The following FRMD3 variants were observed in gnomAD, a reference collection of about 807,000 sequenced individuals.
The protein encoded by FRMD3 is FERM domain containing 3.
A neutral mutation model predicts 70.2 loss-of-function variants in FRMD3; 33 were observed. The ratio of observed to expected loss-of-function variants is 0.47; its 90% CI spans 0.36 to 0.63. The LOEUF (loss-of-function observed/expected upper bound fraction) is 0.63. Ranked by LOEUF, FRMD3 falls within the 20% of genes least tolerant of loss-of-function variation. FRMD3 has a pLI of 0.00. For missense variants in FRMD3, 632 were observed against 711.4 expected (o/e 0.89, Z 1.27); for synonymous variants, 279 against 255.9 (o/e 1.09, Z -0.86).
the FRMD3 span, among the ~76,000 whole-genome samples, chr9:83,565,107 A>G: frequency 5.3e-4 from 80 of 152,344 alleles, no homozygotes; most frequent in East Asian, 0.01. Flanking sequence ...TTTCCTGGGA[A>G]TAATAATGAG....
intron 13 of FRMD3, among the ~76,000 whole-genome samples, chr9:83,272,174 C>T (rs1021051384): frequency 1.2e-4 from 18 of 152,018 alleles, no homozygotes; most frequent in Non-Finnish European, 2.9e-5. Flanking sequence ...GACTGTACTG[C>T]CGCCATCTTG....
At chr9:83,419,522 T>C (rs1001293719) in intron 1 of FRMD3, among the ~76,000 whole-genome samples, 21 of 151,056 alleles carry the variant, frequency 1.4e-4, no homozygotes, top group Non-Finnish European at 2.8e-4. Flanking sequence ...GTGTGTGATA[T>C]GTGTTCATGT....
At chr9:83,262,368 G>C (rs1356630119) in intron 13 of FRMD3, among the ~76,000 whole-genome samples, 1 of 152,116 alleles carries the variant, frequency 6.6e-6, no homozygotes, top group Non-Finnish European at 1.5e-5. Context: ...GCTCACATCT[G>C]TCATTAACTT....
chr9:83,444,420 C>A (rs1037551020), intron 1 of FRMD3, among the ~76,000 whole-genome samples: 3 of 152,234 alleles, frequency 2.0e-5, no homozygotes, highest in African/African-American at 7.2e-5. Flanking sequence ...TTGGAAAATT[C>A]ATGCCAGGAA....
chr9:83,497,585 C>T (rs1828969668), intron 1 of FRMD3, among the ~76,000 whole-genome samples: 1 of 152,218 alleles, frequency 6.6e-6, no homozygotes, highest in Admixed American at 6.5e-5. Context: ...ATTGCCCAGC[C>T]TTCTTGCAGT....
the FRMD3 span, among the ~76,000 whole-genome samples, chr9:83,572,986 G>C: frequency 6.6e-6 from 1 of 152,236 alleles, no homozygotes; most frequent in East Asian, 1.9e-4. Context: ...ATTGAACAAA[G>C]GTAGGAATCA....
intron 1 of FRMD3, among the ~76,000 whole-genome samples, chr9:83,406,294 A>G (rs1031078721): frequency 6.6e-6 from 1 of 152,080 alleles, no homozygotes; most frequent in African/African-American, 2.4e-5. Context: ...TCTTCCCATC[A>G]TCATGGCCAC....
intron 1 of FRMD3, among the ~76,000 whole-genome samples, chr9:83,404,565 G>T (rs1826044072): frequency 6.6e-6 from 1 of 152,122 alleles, no homozygotes; most frequent in South Asian, 2.1e-4. Context: ...TAAAATCAGA[G>T]CCCCTCTCAG....
intron 1 of FRMD3, among the ~76,000 whole-genome samples, chr9:83,514,512 G>A (rs1829411341): frequency 6.6e-6 from 1 of 152,192 alleles, no homozygotes; most frequent in African/African-American, 2.4e-5. Context: ...GAGCACCCTG[G>A]GGAAGGGGTG....
chr9:83,543,915 C>T, the FRMD3 span, among the ~76,000 whole-genome samples: 22 of 152,134 alleles, frequency 1.4e-4, no homozygotes, highest in Admixed American at 7.9e-4. Flanking sequence ...GCCTCCTACT[C>T]CCCGCATAGC....
intron 2 of FRMD3, among the ~76,000 whole-genome samples, chr9:83,385,992 G>C (rs931105983): frequency 3.9e-5 from 6 of 152,034 alleles, no homozygotes; most frequent in Non-Finnish European, 8.8e-5. Flanking sequence ...ATAATTGTAA[G>C]AATAATAATA....
the FRMD3 span, among the ~76,000 whole-genome samples, chr9:83,581,220 C>T: frequency 6.6e-6 from 1 of 152,178 alleles, no homozygotes; most frequent in Non-Finnish European, 1.5e-5. Flanking sequence ...TTGCAAATTA[C>T]ACCCCGTTAA....
At chr9:83,333,138 G>A (rs1823448472) in intron 6 of FRMD3, among the ~76,000 whole-genome samples, 1 of 152,168 alleles carries the variant, frequency 6.6e-6, no homozygotes, top group Admixed American at 6.5e-5. Context: ...CAAACCAAAA[G>A]TATCTCTCTG....
At chr9:83,553,047 T>C in the FRMD3 span, among the ~76,000 whole-genome samples, 1 of 152,174 alleles carries the variant, frequency 6.6e-6, no homozygotes, top group Non-Finnish European at 1.5e-5. Context: ...GGCTGTCATG[T>C]TGGCTTGTTA....
At chr9:83,365,302 CT>C (rs1323841780) in intron 3 of FRMD3, among the ~76,000 whole-genome samples, 1 of 152,116 alleles carries the variant, frequency 6.6e-6, no homozygotes, top group Non-Finnish European at 1.5e-5. Context: ...TTTTTGAGCT[CT>C]TTTTTATCTA....
In FRMD3 at chr9:83,305,766, T is replaced by C. The variant is rs377171124; in HGVS notation, c.926+3770A>G. Among the ~76,000 whole-genome samples the C allele has an allele frequency of 8.9e-4, 136 of 152,330 alleles. 2 individuals are homozygous for C. The South Asian group carries it at 0.027, about 30-fold the overall frequency. On this transcript the variant is annotated intron_variant, in intron 10 of 13. Transcript: ENST00000304195. ...TCAGACGGCTATAAATATTCAGGTT[T>C]AGAAGTCGAATGAGATGAGGGTAGC...
At chr9:83,455,844 G>A (rs1359403513) in intron 1 of FRMD3, among the ~76,000 whole-genome samples, 2 of 152,156 alleles carry the variant, frequency 1.3e-5, no homozygotes, top group African/African-American at 4.8e-5. Flanking sequence ...ATATGTGCAT[G>A]TAGACAGCAG....
At chr9:83,523,522 A>G (rs1829625509) in intron 1 of FRMD3, among the ~76,000 whole-genome samples, 1 of 152,204 alleles carries the variant, frequency 6.6e-6, no homozygotes, top group African/African-American at 2.4e-5. Flanking sequence ...CAGTAAACAC[A>G]CTAAAGAAAG....
intron 13 of FRMD3, among the ~76,000 whole-genome samples, chr9:83,270,395 C>T (rs552530393): frequency 1.3e-4 from 20 of 152,232 alleles, no homozygotes; most frequent in Non-Finnish European, 2.1e-4. Context: ...GACACAGATC[C>T]GGGGAAAGGC....
Sources: gnomAD v4.1 joint callset for allele counts (sites outside exome capture counted in the v4.1 genomes callset) on GRCh38, gnomAD v4.1.1 for gene constraint, MANE v1.5 for transcripts, NCBI Gene and HGNC (gene_info 2026-07-23, HGNC 2026-07-21) for gene names.